Variants in LOXHD1 observed in about 807,000 individuals in gnomAD.
LOXHD1 encodes lipoxygenase homology domain-containing protein 1.
In LOXHD1, 205 loss-of-function variants were observed where a neutral mutation model predicts 248.2. That is an observed-to-expected ratio of 0.83 (90% confidence interval 0.74 to 0.93). The LOEUF (loss-of-function observed/expected upper bound fraction) is 0.93, where lower values mean the gene tolerates loss of function less well. LOXHD1 is among the 40% of genes least tolerant of loss of function. The pLI, the probability that LOXHD1 is intolerant of heterozygous loss-of-function variation, is 0.00. For missense variants in LOXHD1, 2,930 were observed against 2,971.6 expected, an observed-to-expected ratio of 0.99 and a Z score of 0.33; for synonymous variants, 1,113 against 1,162.8, an observed-to-expected ratio of 0.96 and a Z score of 0.87.
In LOXHD1 at chr18:46,579,666, G is replaced by T. The variant is rs754464654; in HGVS notation, c.1773C>A (p.Asn591Lys). Residue 591 changes from asparagine (N) to lysine (K), a missense_variant, in exon 13 of 41, where the codon AAC (asparagine) becomes AAA (lysine). By Grantham distance (94) the Asn-to-Lys change is moderately conservative (BLOSUM62 0). Coordinates refer to ENST00000642948, the MANE Select transcript of LOXHD1 (RefSeq NM_001384474.1). ...VGDTGERLLY[N>K]CRNNTDLFEK... ...CAAACAGGTCTGTGTTATTCCTGCA[G>T]TTGTAGAGCAGCCGTTCCCCCGTGT... 6.4e-7 allele frequency: 1 copy of T among 1,551,750 alleles called. No individual in the cohort carries two copies. Among genetic ancestry groups the T allele is most frequent in the South Asian group, 1.2e-5 (1 of 84,060 alleles).
chr18:46,527,136 A>G (rs772121971), intron 29 of LOXHD1, among the ~76,000 whole-genome samples: 192 of 130,370 alleles, frequency 1.5e-3, no homozygotes, highest in Non-Finnish European at 2.7e-3. Context: ...GAGAGAGAGG[A>G]AAAAAAAAAA....
At position 46,557,413 on chromosome 18, in the gene LOXHD1, T is replaced by C. The variant is rs876657494; in HGVS notation, c.3293A>G (p.Asn1098Ser). 6 of 1,552,322 alleles carry C rather than the reference T, an allele frequency of 3.9e-6. No homozygotes were observed. The Admixed American group carries it at 9.8e-5, about 25-fold the overall frequency. ...KIRIRHDNTG[N>S]RAGWFLDRID... ...TCTGTCCAGGAACCAGCCTGCTCTG[T>C]TGCCTGTGTTGTCGTGGCGAATCCG... The change falls in exon 21 of 41, where the codon AAC (asparagine) becomes AGC (serine). Residue 1098 changes from asparagine (N) to serine (S), a missense_variant. Asn to Ser is a conservative substitution (Grantham distance 46). Coordinates refer to ENST00000642948, the MANE Select transcript of LOXHD1 (RefSeq NM_001384474.1).
At chr18:46,502,812 TTCTCCCC>T (rs2034320617) in intron 37 of LOXHD1, among the ~76,000 whole-genome samples, 1 of 152,174 alleles carries the variant, frequency 6.6e-6, no homozygotes, top group Non-Finnish European at 1.5e-5. Context: ...CTACATGAAA[TTCTCCCC>T]TCTCCAGTTT....
chr18:46,598,786 A>G (rs537664245), intron 8 of LOXHD1, among the ~76,000 whole-genome samples: 1 of 152,310 alleles, frequency 6.6e-6, no homozygotes, highest in Non-Finnish European at 1.5e-5. Flanking sequence ...AACTATATTG[A>G]AAACTATTAA....
chr18:46,650,262 G>T (rs11662035), intron 1 of LOXHD1, among the ~76,000 whole-genome samples: 14,410 of 152,156 alleles, frequency 0.095, 839 homozygotes, highest in Non-Finnish European at 0.14. Context: ...GGAAATCTAA[G>T]GTACATGTCT....
chr18:46,494,797 C>T (rs1377039215), intron 37 of LOXHD1, among the ~76,000 whole-genome samples: 1 of 151,618 alleles, frequency 6.6e-6, no homozygotes, highest in Admixed American at 6.6e-5. Flanking sequence ...TACTTTTGCA[C>T]CAACCTAATA....
At chr18:46,611,478 C>T (rs115987994) in intron 5 of LOXHD1, among the ~76,000 whole-genome samples, 76 of 152,302 alleles carry the variant, frequency 5.0e-4, no homozygotes, top group African/African-American at 1.7e-3. Context: ...AGAAGTTAAA[C>T]ACCTTGCCAA....
At chr18:46,508,389 T>C (rs1399328524) in intron 35 of LOXHD1, among the ~76,000 whole-genome samples, 2 of 152,286 alleles carry the variant, frequency 1.3e-5, no homozygotes, top group East Asian at 3.9e-4. Context: ...CCTAGTCCAA[T>C]CTTATACCAC....
intron 14 of LOXHD1, among the ~76,000 whole-genome samples, chr18:46,576,350 AG>A (rs2037854582): frequency 6.6e-6 from 1 of 151,936 alleles, no homozygotes; most frequent in East Asian, 1.9e-4. Context: ...CCCGTGGCTT[AG>A]GAGAATGAGG....
In LOXHD1 at chr18:46,594,479, G is replaced by C; in HGVS notation, c.1135-13C>G. 6.4e-7 allele frequency: 1 copy of C among 1,551,072 alleles called. No homozygotes were observed. Among genetic ancestry groups the C allele is most frequent in the Non-Finnish European group, 8.7e-7 (1 of 1,146,980 alleles). The stretch of plus-strand genomic sequence containing the variant: ...ACAGAATCACCACCTGGGGAGAGTG[G>C]AGCACAGTGTCTCCGGCATTGAGTC... On this transcript the variant is annotated splice_polypyrimidine_tract_variant and intron_variant, in intron 8 of 40. Transcript: ENST00000642948.
intron 12 of LOXHD1, among the ~76,000 whole-genome samples, chr18:46,580,143 C>T (rs1012362908): frequency 2.6e-5 from 4 of 152,212 alleles, no homozygotes; most frequent in Admixed American, 1.3e-4. Flanking sequence ...CTCTGAATTT[C>T]CAGAGCTCAG....
chr18:46,629,396 G>A (rs1247507265), intron 4 of LOXHD1, among the ~76,000 whole-genome samples: 2 of 152,192 alleles, frequency 1.3e-5, no homozygotes, highest in African/African-American at 2.4e-5. Context: ...GAGCCTTTGC[G>A]ATGGGTGTTT....
At position 46,524,544 on chromosome 18, in the gene LOXHD1, C is replaced by T. The variant is rs1412765114; in HGVS notation, c.4798G>A (p.Ala1600Thr). The change falls in exon 31 of 41, where the codon GCC becomes ACC. Residue 1600 changes from alanine to threonine, a missense_variant. Physicochemically the swap from Ala to Thr is moderately conservative, Grantham distance 58 (BLOSUM62 0). Transcript: ENST00000642948. Reference sequence around the variant, plus strand: ...ACATCGGCCATCTTGGAGCTCAGGGCGATCTCCCAGAAGTCAGCAGGGCTG... The same window carrying T: ...ACATCGGCCATCTTGGAGCTCAGGGTGATCTCCCAGAAGTCAGCAGGGCTG... ...CSSPADFWEI[A>T]LSSKMADVDI... 58 of 1,551,578 alleles carry T rather than the reference C, an allele frequency of 3.7e-5. No homozygotes were observed. The highest frequency in any genetic ancestry group is 4.3e-5 in the Non-Finnish European group (49 of 1,147,006).
intron 6 of LOXHD1, among the ~76,000 whole-genome samples, chr18:46,605,237 CA>C (rs1184856059): frequency 2.6e-5 from 4 of 152,132 alleles, no homozygotes; most frequent in African/African-American, 9.7e-5. Context: ...TTCAAAGTTT[CA>C]AGATTTTGGC....
intron 34 of LOXHD1, 38 bp from the exon 35 acceptor site, chr18:46,509,853 G>A (rs1178820714): frequency 2.9e-6 from 4 of 1,384,458 alleles, no homozygotes; most frequent in Non-Finnish European, 4.0e-6. Flanking sequence ...AAGGGAAGCT[G>A]GCCATTGGGG....
intron 37 of LOXHD1, among the ~76,000 whole-genome samples, chr18:46,503,030 T>C (rs2034333943): frequency 6.6e-6 from 1 of 151,664 alleles, no homozygotes; most frequent in African/African-American, 2.4e-5. Flanking sequence ...CTGGGGGGAG[T>C]CTCAATTAAA....
intron 4 of LOXHD1, among the ~76,000 whole-genome samples, chr18:46,623,160 C>CA (rs910585483): frequency 3.3e-5 from 5 of 152,070 alleles, no homozygotes; most frequent in African/African-American, 1.2e-4. Flanking sequence ...GCAAATTAGG[C>CA]AAAAAGAATC....
chr18:46,581,001 G>T (rs1017993510), intron 12 of LOXHD1, among the ~76,000 whole-genome samples: 3 of 152,166 alleles, frequency 2.0e-5, no homozygotes, highest in African/African-American at 7.2e-5. Flanking sequence ...AAGAAGTGTG[G>T]CTTCCTTTTT....
Position 46,601,415 on chromosome 18 carries a change from G to T in LOXHD1, c.936C>A (p.Thr312=), listed in dbSNP as rs1427652482. 1.9e-6 allele frequency: 3 copies of T among 1,551,658 alleles called. No homozygotes were observed. The highest frequency in any genetic ancestry group is 1.4e-5 in the African/African-American group (1 of 73,144). Residue 312 remains threonine (T), a synonymous_variant, in exon 8 of 41, where the codon ACC becomes ACA. Coordinates refer to ENST00000642948, the MANE Select transcript of LOXHD1 (RefSeq NM_001384474.1). ...ACATGACCAAGTAGATTTTGGATTT[G>T]GTACCAGCCCCCCGGACATCCCCAG... ...VFTGDVRGAG[T]KSKIYLVMYG...
Sources: allele counts gnomAD v4.1 joint callset (sites outside exome capture counted in the v4.1 genomes callset), GRCh38; gene constraint gnomAD v4.1.1; transcripts MANE v1.5; gene names NCBI Gene and HGNC (gene_info 2026-07-23, HGNC 2026-07-21).